The following GATD1 variants were observed in gnomAD, a reference collection of about 807,000 sequenced individuals.
The protein encoded by GATD1 is glutamine amidotransferase class 1 domain containing 1.
GATD1 carries 23 observed loss-of-function variants against 25.9 expected under a neutral mutation model. That is an observed-to-expected ratio of 0.89 (90% confidence interval 0.64 to 1.26). GATD1 has a LOEUF of 1.26. Ranked by LOEUF, GATD1 falls within the 50% of genes most tolerant of loss-of-function variation. The pLI, the probability that GATD1 is intolerant of heterozygous loss-of-function variation, is 0.00. For synonymous variants in GATD1, 177 were observed against 134.6 expected (o/e 1.31, Z -2.18); for missense variants, 347 against 312.5 (o/e 1.11, Z -0.83).
chr11:774,946 T>A (rs1466245423), intron 2 of GATD1, 120 bp downstream of exon 2: 2 of 869,508 alleles, frequency 2.3e-6, no homozygotes, highest in African/African-American at 3.4e-5. Flanking sequence ...TCTTCACCCC[T>A]CCACCAACTG....
intron 1 of GATD1, among the ~76,000 whole-genome samples, chr11:775,664 CCT>C (rs1326763058): frequency 1.3e-5 from 2 of 152,214 alleles, no homozygotes; most frequent in African/African-American, 4.8e-5. Context: ...CCTGGCCCCC[CCT>C]CACCCCTTCC....
chr11:769,410 T>G lies in GATD1; in HGVS notation c.*1487A>C, dbSNP rs1373963419. 7.5e-6 allele frequency: 4 copies of G among 532,450 alleles called. No individual in the cohort carries two copies. The highest frequency in any genetic ancestry group is 9.6e-6 in the Non-Finnish European group (4 of 416,364). 33.0% of individuals were successfully genotyped at this position (532,450 alleles called of 1,614,324 possible). On this transcript the variant is annotated 3_prime_UTR_variant, in exon 8 of 8. Transcript: ENST00000319863. ...ATCTTGGCTCACTGCAACTTCCGCC[T>G]CCCAGGTTCAAGCAATTCTCACGTC... is the stretch of plus-strand genomic sequence containing the variant.
Position 767,754 on chromosome 11 carries a change from A to G in GATD1, c.*3143T>C. The G allele has an allele frequency of 1.0e-5, 4 of 398,134 alleles. No individual in the cohort carries two copies. The highest frequency in any genetic ancestry group is 1.4e-5 in the Non-Finnish European group (4 of 280,418). The allele number at this position is 398,134 out of a possible 1,614,324, so 24.7% of individuals were successfully genotyped here. On this transcript the variant is annotated 3_prime_UTR_variant, in exon 8 of 8. Coordinates refer to ENST00000319863, the MANE Select transcript of GATD1 (RefSeq NM_182612.4). ...TCATCATGGGACCATCACCCTCACAAAAGAGGTTGCATCTACTGGTGCTTT... is the reference window on the plus strand; with the variant it reads ...TCATCATGGGACCATCACCCTCACAGAAGAGGTTGCATCTACTGGTGCTTT...
rs540619801 is a variant in GATD1 at position 770,994 on chromosome 11, G to A, written c.655C>T (p.Arg219Trp). The change falls in exon 7 of 8, where the codon CGG becomes TGG. Residue 219 changes from arginine (R) to tryptophan (W), a missense_variant and splice_region_variant. By Grantham distance (101) the Arg-to-Trp change is moderately radical (BLOSUM62 -3). Coordinates refer to ENST00000319863, the MANE Select transcript of GATD1 (RefSeq NM_182612.4). ...ATGTGCCCACCCTGGTGCCCTCACC[G>A]GCTGCCACAGAGGAAGAGCAGGTTC... ...VQNLLFLCGS[R>W]K 3.8e-5 allele frequency: 61 copies of A among 1,613,326 alleles called. 1 individual carries two copies. The highest frequency in any genetic ancestry group is 6.7e-5 in the East Asian group (3 of 44,890).
At position 767,620 on chromosome 11, in the gene GATD1, G is replaced by A. The variant is rs1863126859; in HGVS notation, c.*3277C>T. 4 of 1,354,284 alleles carry A rather than the reference G, an allele frequency of 3.0e-6. No homozygotes were observed. Among genetic ancestry groups the A allele is most frequent in the South Asian group, 3.4e-5 (2 of 58,012 alleles). The allele number at this position is 1,354,284 out of a possible 1,614,324, so 83.9% of individuals were successfully genotyped here. On this transcript the variant is annotated 3_prime_UTR_variant, in exon 8 of 8. Coordinates refer to ENST00000319863, the MANE Select transcript of GATD1 (RefSeq NM_182612.4). ...CTGGCTCTTCATGCACCCTGCTGTG[G>A]CCTGAGCACGTCCCCCCAAAACCCA...
At position 770,106 on chromosome 11, in the gene GATD1, A is replaced by AG. The variant is rs1374663992; in HGVS notation, c.*790dup. The AG allele has an allele frequency of 8.2e-7, 1 of 1,220,618 alleles. No homozygotes were observed. The highest frequency in any genetic ancestry group is 1.0e-6 in the Non-Finnish European group (1 of 980,274). 75.6% of individuals were successfully genotyped at this position (1,220,618 alleles called of 1,614,324 possible). On this transcript the variant is annotated 3_prime_UTR_variant, in exon 8 of 8. Coordinates refer to ENST00000319863, the MANE Select transcript of GATD1 (RefSeq NM_182612.4). ...CTCCTGGACGCCCTAACCTGGGGCC[A>AG]GGGGGCAGCCCGCTGGAGGGCCACA...
Position 769,943 on chromosome 11 carries a change from G to C in GATD1, c.*954C>G. 1 of 1,002,820 alleles carries C rather than the reference G, an allele frequency of 1.0e-6. No homozygotes were observed. The highest frequency in any genetic ancestry group is 1.2e-6 in the Non-Finnish European group (1 of 841,768). The allele number at this position is 1,002,820 out of a possible 1,614,324, so 62.1% of individuals were successfully genotyped here. A position where few individuals can be genotyped will look rare whatever the true frequency, so the allele number is the denominator to read the frequency against. ...ACTGAACGGTTTTATAATCACAAGG[G>C]GCCTCCTGGCAGGTCACTGGCACCA... On this transcript the variant is annotated 3_prime_UTR_variant, in exon 8 of 8. Coordinates refer to ENST00000319863, the MANE Select transcript of GATD1 (RefSeq NM_182612.4).
At chr11:772,154 G>A (rs994415803) in intron 5 of GATD1, among the ~76,000 whole-genome samples, 3 of 152,150 alleles carry the variant, frequency 2.0e-5, no homozygotes, top group South Asian at 2.1e-4. Flanking sequence ...CTGGGCTTCC[G>A]GGAGACTAGG....
intron 1 of GATD1, among the ~76,000 whole-genome samples, chr11:775,840 G>C (rs569859266): frequency 7.4e-4 from 112 of 152,256 alleles, no homozygotes; most frequent in African/African-American, 2.6e-3. Flanking sequence ...TGTCCTACCA[G>C]GGGAAGGACA....
chr11:775,417 C>A (rs938756152), intron 1 of GATD1, among the ~76,000 whole-genome samples: 2 of 152,234 alleles, frequency 1.3e-5, no homozygotes, highest in African/African-American at 4.8e-5. Flanking sequence ...CCATGGCGGG[C>A]TCTTTCCCCA....
At position 777,465 on chromosome 11, in the gene GATD1, C is replaced by A; in HGVS notation, c.-3G>T. 8.1e-7 allele frequency: 1 copy of A among 1,235,560 alleles called. No individual in the cohort carries two copies. Among genetic ancestry groups the A allele is most frequent in the Non-Finnish European group, 1.0e-6 (1 of 987,344 alleles). The allele number at this position is 1,235,560 out of a possible 1,614,324, so 76.5% of individuals were successfully genotyped here. A position where few individuals can be genotyped will look rare whatever the true frequency, so the allele number is the denominator to read the frequency against. On this transcript the variant is annotated 5_prime_UTR_variant, in exon 1 of 8. Coordinates refer to ENST00000319863, the MANE Select transcript of GATD1 (RefSeq NM_182612.4). ...TTAGGGAGCCGCTCGGACGCCATGGCTCGGGCTCGGCGCTGGGTCTGCGCG... is the reference window on the plus strand; with the variant it reads ...TTAGGGAGCCGCTCGGACGCCATGGATCGGGCTCGGCGCTGGGTCTGCGCG...
chr11:770,447 C>G lies in GATD1; in HGVS notation c.*450G>C, dbSNP rs1226432326. ...GCCAAAGTTCTGAGCCAGCTCCCGC[C>G]GGCTGGGCCCTCCCCTCAAGGCCCC... On this transcript the variant is annotated 3_prime_UTR_variant, in exon 8 of 8. Transcript: ENST00000319863. The G allele has an allele frequency of 2.0e-6, 3 of 1,479,596 alleles. No homozygotes were observed. In the South Asian group the frequency reaches 3.9e-5, roughly 19 times the overall value. The allele number at this position is 1,479,596 out of a possible 1,614,324, so 91.7% of individuals were successfully genotyped here. A position where few individuals can be genotyped will look rare whatever the true frequency, so the allele number is the denominator to read the frequency against.
chr11:773,754 G>T, intron 3 of GATD1, 125 bp from the exon 4 acceptor site: 1 of 759,664 alleles, frequency 1.3e-6, no homozygotes, highest in South Asian at 1.8e-5. Flanking sequence ...GATGTCATCT[G>T]TCCCTTTTCC....
chr11:771,597 G>C, intron 5 of GATD1, 171 bp from the exon 6 acceptor site: 1 of 1,387,888 alleles, frequency 7.2e-7, no homozygotes, highest in Non-Finnish European at 9.3e-7. Flanking sequence ...AGATGACAAA[G>C]TCTAGCCATC....
At position 768,853 on chromosome 11, in the gene GATD1, C is replaced by T. The variant is rs1305775919; in HGVS notation, c.*2044G>A. ...CAGTGGCTCACGCCTGTAATCCTAACACTTTGGGAGGCCGAGGCGGGAGGA... is the reference window on the plus strand; with the variant it reads ...CAGTGGCTCACGCCTGTAATCCTAATACTTTGGGAGGCCGAGGCGGGAGGA... On this transcript the variant is annotated 3_prime_UTR_variant, in exon 8 of 8. Coordinates refer to ENST00000319863, the MANE Select transcript of GATD1 (RefSeq NM_182612.4). 2 of 152,248 alleles carry T rather than the reference C, an allele frequency of 1.3e-5. No homozygotes were observed. The highest frequency in any genetic ancestry group is 4.8e-5 in the African/African-American group (2 of 41,414). The allele number at this position is 152,248 out of a possible 1,614,324, so 9.4% of individuals were successfully genotyped here. A position where few individuals can be genotyped will look rare whatever the true frequency, so the allele number is the denominator to read the frequency against.
At chr11:770,933 G>C in intron 7 of GATD1, 30 bp from the exon 8 acceptor site, 1 of 1,612,818 alleles carries the variant, frequency 6.2e-7, no homozygotes, top group Non-Finnish European at 8.5e-7. Context: ...TCAAAGCTTG[G>C]GCAAAAGCAC....
rs1863334579 is a variant in GATD1, at chr11:770,534, G to A, written c.*363C>T. On this transcript the variant is annotated 3_prime_UTR_variant, in exon 8 of 8. Transcript: ENST00000319863. Reference sequence around the variant, plus strand: ...CCACAGCAGGGCAAACCCACACAGAGGACCCCCGAGCCGACTCTGTCTAGT... The same window carrying A: ...CCACAGCAGGGCAAACCCACACAGAAGACCCCCGAGCCGACTCTGTCTAGT... The A allele has an allele frequency of 4.2e-6, 6 of 1,414,082 alleles. No homozygotes were observed. Among genetic ancestry groups the A allele is most frequent in the South Asian group, 1.6e-5 (1 of 63,386 alleles). 87.6% of individuals were successfully genotyped at this position (1,414,082 alleles called of 1,614,324 possible). A position where few individuals can be genotyped will look rare whatever the true frequency, so the allele number is the denominator to read the frequency against.
chr11:773,900 C>T, intron 3 of GATD1, 108 bp downstream of exon 3: 1 of 973,910 alleles, frequency 1.0e-6, no homozygotes, highest in African/African-American at 1.6e-5. Context: ...GGTCACAGGG[C>T]TTCAGGGGCT....
Position 775,190 on chromosome 11 carries a change from C to T in GATD1, c.65-48G>A, listed in dbSNP as rs373719618. The T allele has an allele frequency of 2.3e-4, 348 of 1,509,198 alleles. 4 individuals are homozygous for T. In the Middle Eastern group the frequency reaches 3.5e-3, roughly 15 times the overall value. 93.5% of individuals were successfully genotyped at this position (1,509,198 alleles called of 1,614,324 possible). ...TGGGCTCGACAGGACTAGCGTGCCC[C>T]GCCTCAGGGGGCTACCCAGACACCC... On this transcript the variant is annotated intron_variant, in intron 1 of 7. Coordinates refer to ENST00000319863, the MANE Select transcript of GATD1 (RefSeq NM_182612.4).
Sources: gnomAD v4.1 joint callset for allele counts (sites outside exome capture counted in the v4.1 genomes callset) on GRCh38, gnomAD v4.1.1 for gene constraint, MANE v1.5 for transcripts, NCBI Gene and HGNC (gene_info 2026-07-23, HGNC 2026-07-21) for gene names.